MAP3K4: variants seen among roughly 807,000 people sequenced by gnomAD.
MAP3K4 encodes the protein mitogen-activated protein kinase kinase kinase 4, also known as MAP three kinase 1.
Under a neutral mutation model 185.6 loss-of-function variants are expected in MAP3K4, and 67 were observed. The observed-to-expected ratio is 0.36, with a 90% CI of 0.30 to 0.44. The LOEUF (loss-of-function observed/expected upper bound fraction) is 0.44, where lower values mean the gene tolerates loss of function less well. Among genes scored for constraint, MAP3K4 ranks in the 20% least tolerant of loss-of-function variants. The pLI is 1.00. For synonymous variants in MAP3K4, 702 were observed against 710.4 expected (o/e 0.99, Z 0.19); for missense variants, 1,551 against 1,995.1 (o/e 0.78, Z 4.24).
At chr6:161,092,596 A>C (rs986725564) in intron 13 of MAP3K4, among the ~76,000 whole-genome samples, 6 of 151,068 alleles carry the variant, frequency 4.0e-5, no homozygotes, top group Admixed American at 3.9e-4. Context: ...AGCATGGGGC[A>C]CTTTCTTAAA....
chr6:161,061,580 C>T lies in MAP3K4; in HGVS notation c.1708-9028C>T, dbSNP rs1784487353. On this transcript the variant is annotated intron_variant, in intron 3 of 26. Coordinates refer to ENST00000392142, the MANE Select transcript of MAP3K4 (RefSeq NM_005922.4). This position sits in a 1 kb window ranked among gnomAD's most constrained non-coding sequence, Gnocchi z 4.2. ...TAACTTTGGAACATTTTCATTGCCC[C>T]TAAAAGAAGTCCTGTACCCTTTAGC... 6.6e-6 allele frequency among the ~76,000 whole-genome samples: 1 copy of T among 152,204 alleles called. No individual in the cohort carries two copies. Among genetic ancestry groups the T allele is most frequent in the Non-Finnish European group, 1.5e-5 (1 of 68,044 alleles).
Position 161,106,657 on chromosome 6 carries a change from G to A in MAP3K4, c.4000G>A (p.Val1334Ile), listed in dbSNP as rs1254242980. 2.5e-6 allele frequency: 4 copies of A among 1,611,698 alleles called. No homozygotes were observed. The highest frequency in any genetic ancestry group is 3.4e-6 in the Non-Finnish European group (4 of 1,178,972). Residue 1334 changes from valine to isoleucine, a missense_variant, in exon 20 of 27, where the codon GTT (valine) becomes ATT (isoleucine). Transcript: ENST00000392142. The surrounding 1 kb of genome is among the most constrained non-coding windows in gnomAD (Gnocchi z 4.9). ...TPKSYDNVMH[V>I]GLRKVTFKWQ... is the part of the protein sequence containing the mutation. ...TAAGTCCTATGATAATGTTATGCAC[G>A]TTGGCTTGAGGAAGGTGACCTTCAA...
intron 3 of MAP3K4, among the ~76,000 whole-genome samples, chr6:161,060,852 T>G (rs1326926768): frequency 6.6e-6 from 1 of 152,100 alleles, no homozygotes; most frequent in Non-Finnish European, 1.5e-5. Context: ...AACTCTGACC[T>G]CAAGTGATCT....
Position 161,107,817 on chromosome 6 carries a change from G to T in MAP3K4, c.4049-82G>T. On this transcript the variant is annotated intron_variant, in intron 20 of 26. Coordinates refer to ENST00000392142, the MANE Select transcript of MAP3K4 (RefSeq NM_005922.4). This position sits in a 1 kb window ranked among gnomAD's most constrained non-coding sequence, Gnocchi z 6.2. Reference sequence around the variant, plus strand: ...ATATAAATATACGTCCAAAATAATTGGACAGTATTATTACAAGTTTAAGGA... The same window carrying T: ...ATATAAATATACGTCCAAAATAATTTGACAGTATTATTACAAGTTTAAGGA... 1.1e-6 allele frequency: 1 copy of T among 896,122 alleles called. No individual in the cohort carries two copies. The highest frequency in any genetic ancestry group is 1.8e-6 in the Non-Finnish European group (1 of 552,506). The allele number at this position is 896,122 out of a possible 1,614,324, so 55.5% of individuals were successfully genotyped here. A position where few individuals can be genotyped will look rare whatever the true frequency, so the allele number is the denominator to read the frequency against.
intron 1 of MAP3K4, among the ~76,000 whole-genome samples, chr6:161,019,086 T>C (rs962914402): frequency 6.6e-5 from 10 of 152,226 alleles, no homozygotes; most frequent in Non-Finnish European, 1.5e-4. Flanking sequence ...TATTGAGTTT[T>C]AGGAGAAAAG....
At chr6:161,083,570 C>T (rs1785558058) in intron 6 of MAP3K4, among the ~76,000 whole-genome samples, 1 of 152,178 alleles carries the variant, frequency 6.6e-6, no homozygotes, top group African/African-American at 2.4e-5. Flanking sequence ...TTTCCCCTGT[C>T]CCTTTGTAGC....
In MAP3K4 at chr6:161,070,964, A is replaced by ATTTT; in HGVS notation, c.1950+115_1950+116insTTTT. 9.9e-7 allele frequency: 1 copy of ATTTT among 1,005,384 alleles called. No homozygotes were observed. Among genetic ancestry groups the ATTTT allele is most frequent in the African/African-American group, 1.6e-5 (1 of 61,310 alleles). 62.3% of individuals were successfully genotyped at this position (1,005,384 alleles called of 1,614,324 possible). ...TCTTAATTGTCGCAAATAGTGAAAA[A>ATTTT]TGACTGTTTGTCCATGGTTTTAAGC... On this transcript the variant is annotated intron_variant, in intron 4 of 26. Transcript: ENST00000392142. This position sits in a 1 kb window ranked among gnomAD's most constrained non-coding sequence, Gnocchi z 4.5.
chr6:161,105,096 G>T (rs1036140736), intron 19 of MAP3K4, among the ~76,000 whole-genome samples: 1 of 152,184 alleles, frequency 6.6e-6, no homozygotes, highest in Admixed American at 6.5e-5. Flanking sequence ...TGAACCATTA[G>T]TGGGTTGTAA....
chr6:161,018,382 A>G (rs1396953814), intron 1 of MAP3K4, among the ~76,000 whole-genome samples: 1 of 152,156 alleles, frequency 6.6e-6, no homozygotes, highest in Non-Finnish European at 1.5e-5. Flanking sequence ...CAGGGCTGGG[A>G]GGCACTTGAG....
In MAP3K4 at chr6:161,097,012, C is replaced by A; in HGVS notation, c.3428-68C>A. The A allele has an allele frequency of 1.6e-6, 2 of 1,283,630 alleles. No individual in the cohort carries two copies. Among genetic ancestry groups the A allele is most frequent in the Non-Finnish European group, 1.1e-6 (1 of 880,826 alleles). The allele number at this position is 1,283,630 out of a possible 1,614,324, so 79.5% of individuals were successfully genotyped here. On this transcript the variant is annotated intron_variant, in intron 15 of 26. Coordinates refer to ENST00000392142, the MANE Select transcript of MAP3K4 (RefSeq NM_005922.4). The surrounding 1 kb of genome is among the most constrained non-coding windows in gnomAD (Gnocchi z 4.9). ...AAGTGACATTCTATTTTCCATTTGA[C>A]TGTTTGGTTTGATGATTTTCTGTGG...
At position 161,049,771 on chromosome 6, in the gene MAP3K4, A is replaced by C. The variant is rs778650948; in HGVS notation, c.1499A>C (p.Glu500Ala). Residue 500 changes from glutamate to alanine, a missense_variant, in exon 3 of 27, where the codon GAG (glutamate) becomes GCG (alanine). Physicochemically the swap from Glu to Ala is moderately radical, Grantham distance 107 (BLOSUM62 -1). Transcript: ENST00000392142. This position sits in a 1 kb window ranked among gnomAD's most constrained non-coding sequence, Gnocchi z 8.4. ...ISKKLERLES[E>A]DDSLGWGAPD... The stretch of plus-strand genomic sequence containing the variant: ...AAGAAGCTTGAGAGGCTCGAATCTG[A>C]GGATGATTCTCTTGGCTGGGGAGCA... 6.2e-7 allele frequency: 1 copy of C among 1,614,150 alleles called. No homozygotes were observed. Among genetic ancestry groups the C allele is most frequent in the African/African-American group, 1.3e-5 (1 of 75,054 alleles).
At chr6:161,032,870 T>C (rs1217552936) in intron 1 of MAP3K4, among the ~76,000 whole-genome samples, 5 of 150,908 alleles carry the variant, frequency 3.3e-5, no homozygotes, top group African/African-American at 1.2e-4. Context: ...CTCGCATGTC[T>C]TGTGTGTACA....
At chr6:161,094,664 G>T (rs929761917) in intron 15 of MAP3K4, among the ~76,000 whole-genome samples, 1 of 152,174 alleles carries the variant, frequency 6.6e-6, no homozygotes, top group African/African-American at 2.4e-5. Context: ...TAGGGTACTT[G>T]CTGGCTGCAG....
intron 3 of MAP3K4, among the ~76,000 whole-genome samples, chr6:161,059,752 T>TA (rs1784406320): frequency 6.6e-6 from 1 of 152,194 alleles, no homozygotes; most frequent in Admixed American, 6.5e-5. Flanking sequence ...TAAAATTTTA[T>TA]AATTGTCATG....
At position 161,098,428 on chromosome 6, in the gene MAP3K4, G is replaced by A. The variant is rs2114886321; in HGVS notation, c.3674+1G>A. The A allele has an allele frequency of 6.2e-7, 1 of 1,612,478 alleles. No individual in the cohort carries two copies. Among genetic ancestry groups the A allele is most frequent in the Non-Finnish European group, 8.5e-7 (1 of 1,179,042 alleles). On this transcript the variant is annotated splice_donor_variant, in intron 17 of 26. Transcript: ENST00000392142. LOFTEE classifies it high-confidence loss of function. The surrounding 1 kb of genome is among the most constrained non-coding windows in gnomAD (Gnocchi z 4.4). ...CCATCAGCAGTGCCCATGATACCAG[G>A]TAGTCTCACCCCACCAGTGTCCCGT... is the stretch of plus-strand genomic sequence containing the variant.
intron 11 of MAP3K4, among the ~76,000 whole-genome samples, chr6:161,090,879 C>T (rs546122743): frequency 2.7e-4 from 41 of 152,322 alleles, no homozygotes; most frequent in African/African-American, 8.7e-4. Context: ...TCCACTTTTT[C>T]CTCCAAATTT....
rs775477116 is a variant in MAP3K4, at chr6:161,103,078, T to C, written c.3856+299T>C. Among the ~76,000 whole-genome samples, 10 of 152,250 alleles carry C rather than the reference T, an allele frequency of 6.6e-5. No individual in the cohort carries two copies. Among genetic ancestry groups the C allele is most frequent in the Non-Finnish European group, 7.3e-5 (5 of 68,052 alleles). ...TCCATGGTAGGAGTATAATAAACAT[T>C]TGTGAAATAACCATTCATAAATTAG... is the stretch of plus-strand genomic sequence containing the variant. On this transcript the variant is annotated intron_variant, in intron 19 of 26. Transcript: ENST00000392142. The surrounding 1 kb of genome is among the most constrained non-coding windows in gnomAD (Gnocchi z 4.6).
Position 161,087,786 on chromosome 6 carries a change from A to G in MAP3K4, c.2655A>G (p.Gly885=), listed in dbSNP as rs1462246532. The change falls in exon 10 of 27, where the codon GGA becomes GGG. Residue 885 remains glycine (G), a synonymous_variant. Transcript: ENST00000392142. The surrounding 1 kb of genome is among the most constrained non-coding windows in gnomAD (Gnocchi z 4.9). Reference sequence around the variant, plus strand: ...TGCAGTTACTCAATGCAGCTGCAGGAAAGGACTGTTCAAAAGATTCAGATG... The same window carrying G: ...TGCAGTTACTCAATGCAGCTGCAGGGAAGGACTGTTCAAAAGATTCAGATG... ...IILQLLNAAA[G]KDCSKDSDDV... 1.2e-6 allele frequency: 2 copies of G among 1,614,188 alleles called. No individual in the cohort carries two copies. Among genetic ancestry groups the G allele is most frequent in the South Asian group, 2.2e-5 (2 of 91,084 alleles).
At chr6:161,057,380 T>C (rs1784290567) in intron 3 of MAP3K4, among the ~76,000 whole-genome samples, 1 of 152,208 alleles carries the variant, frequency 6.6e-6, no homozygotes, top group African/African-American at 2.4e-5. Context: ...CCAGTTTAGG[T>C]ACAGTAGATA....
Sources: gnomAD v4.1 joint callset for allele counts (sites outside exome capture counted in the v4.1 genomes callset) on GRCh38, gnomAD v4.1.1 for gene constraint, Gnocchi (gnomAD v3.1) non-coding constraint, MANE v1.5 for transcripts, NCBI Gene and HGNC (gene_info 2026-07-23, HGNC 2026-07-21) for gene names.